Variants in LRFN5 observed in about 807,000 individuals in gnomAD.
LRFN5 encodes the protein leucine-rich repeat and fibronectin type-III domain-containing protein 5.
In LRFN5, 24 loss-of-function variants were observed where a neutral mutation model predicts 45.6. That is an observed-to-expected ratio of 0.53 (90% CI 0.38 to 0.74). The LOEUF (loss-of-function observed/expected upper bound fraction) is 0.74, where lower values mean the gene tolerates loss of function less well. LRFN5 is among the 30% of genes least tolerant of loss of function. LRFN5 has a pLI of 0.00. For missense variants in LRFN5, 776 were observed against 861.5 expected, an observed-to-expected ratio of 0.90 and a Z score of 1.24; for synonymous variants, 340 against 313.8, an observed-to-expected ratio of 1.08 and a Z score of -0.88.
At chr14:41,661,252 TAGAAA>T (rs567318333) in intron 1 of LRFN5, among the ~76,000 whole-genome samples, 84 of 152,056 alleles carry the variant, frequency 5.5e-4, no homozygotes, top group African/African-American at 1.9e-3. Context: ...TTGTCACTAG[TAGAAA>T]AGATAGGTCT....
chr14:41,874,972 CCA>C (rs1471000902), intron 2 of LRFN5, among the ~76,000 whole-genome samples: 1 of 152,134 alleles, frequency 6.6e-6, no homozygotes, highest in Non-Finnish European at 1.5e-5. Flanking sequence ...ATGAGGGTAA[CCA>C]CCCCTATGAT....
intron 2 of LRFN5, among the ~76,000 whole-genome samples, chr14:41,809,002 A>C (rs1566457026): frequency 6.6e-6 from 1 of 152,242 alleles, no homozygotes; most frequent in East Asian, 1.9e-4. Flanking sequence ...CATCAGCTTT[A>C]GCAGAAATAT....
At chr14:41,904,058 G>T in intron 5 of LRFN5, 100 bp from the exon 6 acceptor site, 10 of 1,020,566 alleles carry the variant, frequency 9.8e-6, no homozygotes, top group Non-Finnish European at 1.3e-5. Flanking sequence ...CTTACATTTA[G>T]TTACTTTTAG....
chr14:41,758,741 C>T (rs1459323763), intron 1 of LRFN5, among the ~76,000 whole-genome samples: 1 of 152,174 alleles, frequency 6.6e-6, no homozygotes, highest in East Asian at 1.9e-4. Context: ...TGTTTATAAT[C>T]TGACCTTATG....
At chr14:41,864,366 A>G (rs539472462) in intron 2 of LRFN5, among the ~76,000 whole-genome samples, 2 of 152,294 alleles carry the variant, frequency 1.3e-5, no homozygotes, top group South Asian at 2.1e-4. Flanking sequence ...TTGCCATTCT[A>G]ACTGGCGTGA....
intron 1 of LRFN5, among the ~76,000 whole-genome samples, chr14:41,612,213 A>G (rs1455147720): frequency 1.3e-5 from 2 of 152,142 alleles, no homozygotes; most frequent in African/African-American, 4.8e-5. Context: ...GTATCTAACA[A>G]TATTTCTGCC....
chr14:41,799,333 G>C (rs1440240355), intron 2 of LRFN5, among the ~76,000 whole-genome samples: 2 of 152,110 alleles, frequency 1.3e-5, no homozygotes, highest in East Asian at 3.9e-4. Flanking sequence ...GGAATTTGAA[G>C]GTTGGATTGC....
At chr14:41,686,854 AG>A (rs1356760751) in intron 1 of LRFN5, among the ~76,000 whole-genome samples, 1 of 152,158 alleles carries the variant, frequency 6.6e-6, no homozygotes, top group Non-Finnish European at 1.5e-5. Flanking sequence ...TGCTAGATTC[AG>A]TTTGCCAGTA....
At chr14:41,893,161 A>G in intron 4 of LRFN5, 6 of 983,464 alleles carry the variant, frequency 6.1e-6, no homozygotes, top group Non-Finnish European at 7.2e-6. Flanking sequence ...ACTGTGATAA[A>G]TCTAACTAGA....
intron 1 of LRFN5, among the ~76,000 whole-genome samples, chr14:41,755,453 A>G (rs1212085506): frequency 2.0e-5 from 3 of 152,194 alleles, no homozygotes; most frequent in Non-Finnish European, 2.9e-5. Flanking sequence ...GTCCTCCTGT[A>G]TTAGGTGCCT....
chr14:41,777,020 T>G (rs1045449497), intron 2 of LRFN5, among the ~76,000 whole-genome samples: 1 of 151,980 alleles, frequency 6.6e-6, no homozygotes, highest in Non-Finnish European at 1.5e-5. Flanking sequence ...TATGAATGGA[T>G]ATATCTTGAT....
intron 2 of LRFN5, among the ~76,000 whole-genome samples, chr14:41,865,634 A>G (rs1020607834): frequency 2.6e-5 from 4 of 152,320 alleles, no homozygotes; most frequent in Middle Eastern, 3.4e-3. Context: ...CATTTTAAGC[A>G]ATTATATTTA....
At chr14:41,847,787 C>T (rs1035417516) in intron 2 of LRFN5, among the ~76,000 whole-genome samples, 3 of 151,824 alleles carry the variant, frequency 2.0e-5, no homozygotes, top group Non-Finnish European at 4.4e-5. Flanking sequence ...AATTTTAATG[C>T]TTTTCACATA....
chr14:41,636,333 GT>G (rs1879307384), intron 1 of LRFN5, among the ~76,000 whole-genome samples: 1 of 152,156 alleles, frequency 6.6e-6, no homozygotes, highest in African/African-American at 2.4e-5. Context: ...GCAATTAGGA[GT>G]TTTAAAATTA....
At chr14:41,749,921 C>A (rs746137480) in intron 1 of LRFN5, among the ~76,000 whole-genome samples, 16 of 152,056 alleles carry the variant, frequency 1.1e-4, no homozygotes, top group Non-Finnish European at 2.1e-4. Flanking sequence ...TGATGTTAGA[C>A]AACTAGCACA....
intron 2 of LRFN5, among the ~76,000 whole-genome samples, chr14:41,836,478 A>G (rs544756633): frequency 7.4e-4 from 111 of 150,918 alleles, no homozygotes; most frequent in African/African-American, 2.7e-3. Context: ...GTGTCTGTTA[A>G]TATGCACGTA....
At chr14:41,700,716 T>C (rs1454990323) in intron 1 of LRFN5, 1 of 152,056 alleles carries the variant, frequency 6.6e-6, no homozygotes, top group African/African-American at 2.4e-5. Flanking sequence ...CATAGAGTAA[T>C]AGGTTTGGGA....
Position 41,887,093 on chromosome 14 carries a change from T to C in LRFN5, c.468T>C (p.Tyr156=). ...CCCTTGAGGAGCTGGATCTGTCCTA[T>C]AATAATCTAGAAACCATTCCTTGGG... ...VFALEELDLS[Y]NNLETIPWDA... Residue 156 remains tyrosine (Y), a synonymous_variant, in exon 3 of 6, where the codon TAT becomes TAC. Coordinates refer to ENST00000298119, the MANE Select transcript of LRFN5 (RefSeq NM_152447.5). This position sits in a 1 kb window ranked among gnomAD's most constrained non-coding sequence, Gnocchi z 4.8. 1 of 1,614,038 alleles carries C rather than the reference T, an allele frequency of 6.2e-7. No homozygotes were observed. The highest frequency in any genetic ancestry group is 1.1e-5 in the South Asian group (1 of 91,076).
chr14:41,635,518 A>T (rs1302803570), intron 1 of LRFN5, among the ~76,000 whole-genome samples: 2 of 152,184 alleles, frequency 1.3e-5, no homozygotes, highest in Non-Finnish European at 2.9e-5. Context: ...TAATCAAATC[A>T]GAATACTAAG....
Sources: allele counts gnomAD v4.1 joint callset (sites outside exome capture counted in the v4.1 genomes callset), GRCh38; gene constraint gnomAD v4.1.1; non-coding constraint Gnocchi (gnomAD v3.1); transcripts MANE v1.5; gene names NCBI Gene and HGNC (gene_info 2026-07-23, HGNC 2026-07-21).